Variants in PSD3 observed in about 807,000 individuals in gnomAD.
PSD3 encodes pleckstrin and Sec7 domain containing 3.
Under a neutral mutation model 105.5 loss-of-function variants are expected in PSD3, and 49 were observed. The observed-to-expected ratio is 0.46, with a 90% CI of 0.37 to 0.59. PSD3 has a LOEUF of 0.59. Ranked by LOEUF, PSD3 falls within the 20% of genes least tolerant of loss-of-function variation. The probability of loss-of-function intolerance (pLI) is 0.00; values close to 1 mark genes in which losing one functional copy is unlikely to be tolerated. For missense variants in PSD3, 1,561 were observed against 1,263.8 expected, an observed-to-expected ratio of 1.24 and a Z score of -3.57; for synonymous variants, 557 against 457.8, an observed-to-expected ratio of 1.22 and a Z score of -2.77.
chr8:18,935,529 A>G (rs1051120356), intron 2 of PSD3, among the ~76,000 whole-genome samples: 1 of 149,444 alleles, frequency 6.7e-6, no homozygotes, highest in African/African-American at 2.5e-5. Context: ...AAAAAAAAAG[A>G]AAAAAAGTAT....
intron 8 of PSD3, chr8:18,774,923 G>GGCT: frequency 2.2e-6 from 1 of 456,182 alleles, no homozygotes; most frequent in Non-Finnish European, 4.4e-6. Context: ...GGCTACGGCT[G>GGCT]CAAAAGCCAC....
intron 6 of PSD3, among the ~76,000 whole-genome samples, chr8:18,804,086 C>T (rs1486420467): frequency 1.3e-5 from 2 of 152,234 alleles, no homozygotes; most frequent in Non-Finnish European, 2.9e-5. Context: ...TGTGTCATTT[C>T]GTTAAATGAA....
chr8:18,694,776 G>A (rs1801170301), intron 9 of PSD3, among the ~76,000 whole-genome samples: 1 of 151,330 alleles, frequency 6.6e-6, no homozygotes. Context: ...TTGAGCTCAG[G>A]AGCTCAAGAC....
At chr8:18,612,375 ATTT>A (rs71217390) in intron 11 of PSD3, among the ~76,000 whole-genome samples, 1 of 148,162 alleles carries the variant, frequency 6.7e-6, no homozygotes, top group Non-Finnish European at 1.5e-5. Context: ...TTACTGATGC[ATTT>A]TTTTTTTTCT....
chr8:18,801,843 T>C (rs969793438), intron 6 of PSD3, among the ~76,000 whole-genome samples: 1 of 151,650 alleles, frequency 6.6e-6, no homozygotes, highest in Non-Finnish European at 1.5e-5. Flanking sequence ...AAAAAAAAAA[T>C]GTCCACTTAA....
At chr8:18,782,486 T>C (rs1203964639) in intron 8 of PSD3, among the ~76,000 whole-genome samples, 1 of 152,166 alleles carries the variant, frequency 6.6e-6, no homozygotes, top group Non-Finnish European at 1.5e-5. Context: ...AGCTGTGGCT[T>C]TTAGTAACGG....
intron 1 of PSD3, among the ~76,000 whole-genome samples, chr8:18,985,213 C>T (rs563598411): frequency 6.6e-6 from 1 of 152,230 alleles, no homozygotes; most frequent in African/African-American, 2.4e-5. Flanking sequence ...GGATTACAGG[C>T]GTGAGTCACC....
At chr8:18,613,018 C>G (rs1457518960) in intron 11 of PSD3, among the ~76,000 whole-genome samples, 1 of 142,324 alleles carries the variant, frequency 7.0e-6, no homozygotes. Flanking sequence ...GAAAACAGGT[C>G]AGAACACAAG....
chr8:18,570,843 C>CTAT (rs57603961), intron 14 of PSD3, among the ~76,000 whole-genome samples: 4,224 of 117,358 alleles, frequency 0.036, 183 homozygotes, highest in African/African-American at 0.092. Flanking sequence ...CTGCTTAAAA[C>CTAT]TATTATTATT....
intron 2 of PSD3, among the ~76,000 whole-genome samples, chr8:18,917,627 A>G (rs2129466207): frequency 6.6e-6 from 1 of 152,350 alleles, no homozygotes; most frequent in South Asian, 2.1e-4. Flanking sequence ...GAACCTATCA[A>G]GGATGTTAAA....
At chr8:18,682,068 T>C (rs1185103962) in intron 9 of PSD3, among the ~76,000 whole-genome samples, 1 of 152,054 alleles carries the variant, frequency 6.6e-6, no homozygotes, top group African/African-American at 2.4e-5. Flanking sequence ...AAAGTACCTG[T>C]ACTGTGTGAC....
At chr8:18,600,469 A>G (rs757399614) in intron 11 of PSD3, 35 bp from the exon 12 acceptor site, 1 of 1,470,124 alleles carries the variant, frequency 6.8e-7, no homozygotes, top group Non-Finnish European at 9.4e-7. Flanking sequence ...ATTTTATTTG[A>G]CATCAGCATT....
chr8:18,974,656 A>G (rs755115804), intron 1 of PSD3, among the ~76,000 whole-genome samples: 1 of 151,522 alleles, frequency 6.6e-6, no homozygotes, highest in Non-Finnish European at 1.5e-5. Flanking sequence ...CCAACCTCCA[A>G]TATAACACAT....
Position 18,801,320 on chromosome 8 carries a change from T to A in PSD3, c.1973A>T (p.His658Leu), listed in dbSNP as rs773586071. 1.2e-6 allele frequency: 2 copies of A among 1,607,834 alleles called. No individual in the cohort carries two copies. The highest frequency in any genetic ancestry group is 1.3e-5 in the African/African-American group (1 of 74,766). ...ACAATAAAAATATCTATTGGAGAAG[T>A]GTATTAAAACTCTCTCTCGTTCTTG... Reference protein sequence around the residue: ...ETQERERVLIHFSNRYFYCNP... With the variant: ...ETQERERVLILFSNRYFYCNP... Residue 658 changes from histidine to leucine, a missense_variant, in exon 7 of 16, where the codon CAC becomes CTC. Transcript: ENST00000327040.
intron 9 of PSD3, among the ~76,000 whole-genome samples, chr8:18,755,903 G>T (rs977465947): frequency 3.3e-5 from 5 of 152,190 alleles, no homozygotes; most frequent in African/African-American, 1.2e-4. Context: ...ATGAGCACGT[G>T]ATCGAAAGCG....
At chr8:18,612,120 C>G (rs367647594) in intron 11 of PSD3, among the ~76,000 whole-genome samples, 1 of 152,004 alleles carries the variant, frequency 6.6e-6, no homozygotes, top group Non-Finnish European at 1.5e-5. Flanking sequence ...ACCCACAAAG[C>G]AGCCTTACAT....
chr8:18,778,713 T>C (rs1237737733), intron 8 of PSD3, among the ~76,000 whole-genome samples: 3 of 151,916 alleles, frequency 2.0e-5, no homozygotes, highest in East Asian at 1.9e-4. Context: ...AAATATATAA[T>C]TATATTAAAA....
At chr8:18,656,244 G>C (rs752134152) in intron 9 of PSD3, among the ~76,000 whole-genome samples, 1 of 152,060 alleles carries the variant, frequency 6.6e-6, no homozygotes, top group South Asian at 2.1e-4. Context: ...TTTTAGTAGA[G>C]ACGGGGTTTC....
At chr8:18,617,928 TC>T (rs1805817870) in intron 11 of PSD3, among the ~76,000 whole-genome samples, 1 of 152,206 alleles carries the variant, frequency 6.6e-6, no homozygotes, top group Non-Finnish European at 1.5e-5. Context: ...CAAAGCCGTC[TC>T]TAGTGGGGGA....
Sources: allele counts gnomAD v4.1 joint callset (sites outside exome capture counted in the v4.1 genomes callset), GRCh38; gene constraint gnomAD v4.1.1; transcripts MANE v1.5; gene names NCBI Gene and HGNC (gene_info 2026-07-23, HGNC 2026-07-21).